Variants in COL11A1 observed in about 807,000 individuals in gnomAD.
The protein encoded by COL11A1 is collagen alpha-1(XI) chain.
A neutral mutation model predicts 265.2 loss-of-function variants in COL11A1; 74 were observed. The ratio of observed to expected loss-of-function variants is 0.28; its 90% CI spans 0.23 to 0.34. COL11A1 has a LOEUF of 0.34. COL11A1 is among the 10% of genes least tolerant of loss of function. The pLI is 1.00. For missense variants in COL11A1, 2,165 were observed against 2,263.6 expected, an observed-to-expected ratio of 0.96 and a Z score of 0.88; for synonymous variants, 816 against 727.6, an observed-to-expected ratio of 1.12 and a Z score of -1.96.
At chr1:102,965,573 C>G in intron 37 of COL11A1, 33 bp from the exon 38 acceptor site, 1 of 1,579,704 alleles carries the variant, frequency 6.3e-7, no homozygotes, top group Non-Finnish European at 8.7e-7. Flanking sequence ...GTAAAAGCTA[C>G]ATACAACACA....
At chr1:102,919,482 C>T (rs1333693334) in intron 49 of COL11A1, among the ~76,000 whole-genome samples, 5 of 151,800 alleles carry the variant, frequency 3.3e-5, no homozygotes, top group African/African-American at 1.2e-4. Context: ...GTCTACACTG[C>T]AGATATCCTT....
intron 4 of COL11A1, among the ~76,000 whole-genome samples, chr1:103,034,721 C>A (rs139790576): frequency 1.4e-3 from 209 of 151,736 alleles, no homozygotes; most frequent in African/African-American, 4.2e-3. Flanking sequence ...AACTGTTTTG[C>A]TTTGCTTTTT....
rs1164028531 is a variant in COL11A1 at position 102,979,291 on chromosome 1, C to T, written c.2610+91G>A. The stretch of plus-strand genomic sequence containing the variant: ...GGATTCAAGCAATCCTCCACCTGAG[C>T]CTCACAAATATCTGGGAATACAGGC... On this transcript the variant is annotated intron_variant, in intron 32 of 66. Coordinates refer to ENST00000370096, the MANE Select transcript of COL11A1 (RefSeq NM_001854.4). The T allele has an allele frequency of 6.3e-6, 8 of 1,261,888 alleles. No homozygotes were observed. The African/African-American group carries it at 1.2e-4, about 19-fold the overall frequency. The allele number at this position is 1,261,888 out of a possible 1,614,324, so 78.2% of individuals were successfully genotyped here.
chr1:102,897,726 C>T (rs186112271), intron 57 of COL11A1, among the ~76,000 whole-genome samples: 64 of 152,178 alleles, frequency 4.2e-4, no homozygotes, highest in African/African-American at 1.5e-3. Flanking sequence ...GTATGACTCA[C>T]GAAGAGAACA....
At chr1:103,041,663 A>G (rs968322988) in intron 4 of COL11A1, among the ~76,000 whole-genome samples, 3 of 151,920 alleles carry the variant, frequency 2.0e-5, no homozygotes, top group Non-Finnish European at 4.4e-5. Flanking sequence ...TAAAGTATGC[A>G]TATATATAAT....
chr1:102,912,230 A>G lies in COL11A1; in HGVS notation c.4033-18T>C. The stretch of plus-strand genomic sequence containing the variant: ...GGAGGACCCTATAAAATGTGAAAAA[A>G]TACCTTTAACAAAATTGGATATTAT... On this transcript the variant is annotated intron_variant, in intron 53 of 66. Coordinates refer to ENST00000370096, the MANE Select transcript of COL11A1 (RefSeq NM_001854.4). 1 of 1,598,806 alleles carries G rather than the reference A, an allele frequency of 6.3e-7. No homozygotes were observed. Among genetic ancestry groups the G allele is most frequent in the Non-Finnish European group, 8.5e-7 (1 of 1,172,638 alleles).
At chr1:102,940,821 A>T (rs1658646297) in intron 42 of COL11A1, among the ~76,000 whole-genome samples, 1 of 152,282 alleles carries the variant, frequency 6.6e-6, no homozygotes, top group East Asian at 1.9e-4. Context: ...GCAGTTGCTC[A>T]TATGTCCAAC....
rs765663373 is a variant in COL11A1 at position 102,987,670 on chromosome 1, GTTGGGCCTGCTCGACCT to G, written c.2448_2464del (p.Lys816AsnfsTer96). On this transcript the variant is annotated frameshift_variant, in exon 30 of 67. Transcript: ENST00000370096. LOFTEE classifies it high-confidence loss of function. ...TTGACCTGAAGGACCTGGGTCTCCAGTTGGGCCTGCTCGACCTTTGGGTCCTTCAGGGCCATCTTCCC... is the reference window on the plus strand; with the variant it reads ...TTGACCTGAAGGACCTGGGTCTCCAGTTGGGTCCTTCAGGGCCATCTTCCC... The G allele has an allele frequency of 6.2e-7, 1 of 1,613,556 alleles. No homozygotes were observed. The highest frequency in any genetic ancestry group is 8.5e-7 in the Non-Finnish European group (1 of 1,179,692).
chr1:103,009,359 A>C (rs1044742297), intron 14 of COL11A1, among the ~76,000 whole-genome samples: 4 of 152,184 alleles, frequency 2.6e-5, no homozygotes, highest in African/African-American at 9.6e-5. Flanking sequence ...GCTTGCAGAG[A>C]GCCAAGATAG....
chr1:103,062,208 G>A (rs1212565030), intron 4 of COL11A1, among the ~76,000 whole-genome samples: 1 of 151,932 alleles, frequency 6.6e-6, no homozygotes, highest in East Asian at 1.9e-4. Flanking sequence ...TAAAGAGAAA[G>A]CATCAGAACA....
At chr1:103,078,995 A>G (rs1357023556) in intron 2 of COL11A1, 124 bp from the exon 3 acceptor site, 2 of 688,582 alleles carry the variant, frequency 2.9e-6, no homozygotes, top group Non-Finnish European at 5.1e-6. Flanking sequence ...TTGAATAGTA[A>G]ACAGATTAAT....
At chr1:103,032,094 C>T (rs922452704) in intron 4 of COL11A1, among the ~76,000 whole-genome samples, 3 of 152,054 alleles carry the variant, frequency 2.0e-5, no homozygotes, top group Non-Finnish European at 4.4e-5. Context: ...ATCTGTGTGT[C>T]ATGACCATAT....
At chr1:103,083,872 C>T (rs1466932183) in intron 1 of COL11A1, among the ~76,000 whole-genome samples, 1 of 152,070 alleles carries the variant, frequency 6.6e-6, no homozygotes, top group Admixed American at 6.5e-5. Context: ...TTAGTGGAAG[C>T]ATAAATTTCC....
rs2101068071 is a variant in COL11A1 at position 102,920,507 on chromosome 1, T to TGTCATC, written c.3709-144_3709-143insGATGAC. 5.7e-6 allele frequency: 4 copies of TGTCATC among 695,952 alleles called. No individual in the cohort carries two copies. In the South Asian group the frequency reaches 6.6e-5, roughly 11 times the overall value. The allele number at this position is 695,952 out of a possible 1,614,324, so 43.1% of individuals were successfully genotyped here. ...TTAAAGAATGAGACTAAATGATGCT[T>TGTCATC]AATAGAATTGTCAAATGTGTTGGAA... On this transcript the variant is annotated intron_variant, in intron 48 of 66. Coordinates refer to ENST00000370096, the MANE Select transcript of COL11A1 (RefSeq NM_001854.4).
intron 62 of COL11A1, 93 bp from the exon 63 acceptor site, chr1:102,887,149 T>A: frequency 2.6e-6 from 4 of 1,535,778 alleles, no homozygotes; most frequent in East Asian, 4.5e-5. Context: ...TTATAAGAAA[T>A]TAGAGTTGGT....
intron 30 of COL11A1, among the ~76,000 whole-genome samples, 194 bp downstream of exon 30, chr1:102,987,439 G>A (rs1370200297): frequency 1.3e-5 from 2 of 150,810 alleles, no homozygotes; most frequent in Non-Finnish European, 2.9e-5. Flanking sequence ...AATACTTTCT[G>A]GAGGCAAATT....
At chr1:103,089,524 G>A (rs1247189750) in intron 1 of COL11A1, among the ~76,000 whole-genome samples, 2 of 152,098 alleles carry the variant, frequency 1.3e-5, no homozygotes, top group African/African-American at 4.8e-5. Flanking sequence ...TTCTCTCTCT[G>A]TTAAGCATGT....
intron 41 of COL11A1, among the ~76,000 whole-genome samples, chr1:102,951,326 A>G (rs1186189943): frequency 6.6e-6 from 1 of 152,240 alleles, no homozygotes; most frequent in African/African-American, 2.4e-5. Context: ...AAACAATAAT[A>G]TATTGACTGT....
At chr1:102,921,604 C>T (rs1557823440) in intron 47 of COL11A1, 33 bp from the exon 48 acceptor site, 6 of 1,557,274 alleles carry the variant, frequency 3.9e-6, no homozygotes. Context: ...TTTACAAAGA[C>T]CAAATTCAAA....
Sources: allele counts gnomAD v4.1 joint callset (sites outside exome capture counted in the v4.1 genomes callset), GRCh38; gene constraint gnomAD v4.1.1; transcripts MANE v1.5; gene names NCBI Gene and HGNC (gene_info 2026-07-23, HGNC 2026-07-21).